Variants in TRIM39 observed in about 807,000 individuals in gnomAD.
The protein encoded by TRIM39 is E3 ubiquitin-protein ligase TRIM39.
TRIM39 carries 5 observed loss-of-function variants against 53.6 expected under a neutral mutation model. That is an observed-to-expected ratio of 0.09 (90% CI 0.05 to 0.20). TRIM39 has a LOEUF of 0.20. Ranked by LOEUF, TRIM39 falls within the 10% of genes least tolerant of loss-of-function variation. TRIM39 has a pLI of 1.00. For missense variants in TRIM39, 310 were observed against 621.0 expected, an observed-to-expected ratio of 0.50 and a Z score of 5.32; for synonymous variants, 196 against 237.6, an observed-to-expected ratio of 0.82 and a Z score of 1.61.
intron 1 of TRIM39, chr6:30,327,633 C>T (rs1785533001): frequency 6.6e-6 from 1 of 152,444 alleles, no homozygotes; most frequent in African/African-American, 2.4e-5. Context: ...TTTCTCTCAC[C>T]ACTTCTTTGC....
chr6:30,329,640 C>A, exon 3 of TRIM39: 1 of 1,613,098 alleles, frequency 6.2e-7, no homozygotes, highest in Non-Finnish European at 8.5e-7. Flanking sequence ...AGCCTCTGCC[C>A]CCAACACCAT....
rs1165859572 is a variant in TRIM39, at chr6:30,335,853, C to G, written c.658C>G (p.Gln220Glu). ...GCTTTCACGACTGGAAGAAGAGGAA[C>G]AGGACATTCTGCAGCGACTCCGAGA... is the stretch of plus-strand genomic sequence containing the variant. Residue 220 changes from glutamine (Q) to glutamate (E), a missense_variant, in exon 5 of 8, where the codon CAG (glutamine) becomes GAG (glutamate). By Grantham distance (29) the Gln-to-Glu change is conservative. This residue lies in a region of TRIM39 where 161 missense variants were observed against 210.0 expected (regional missense o/e 0.77). Coordinates refer to ENST00000396551, the Ensembl canonical transcript of TRIM39. The surrounding 1 kb of genome is among the most constrained non-coding windows in gnomAD (Gnocchi z 4.7). 6.2e-7 allele frequency: 1 copy of G among 1,612,936 alleles called. No individual in the cohort carries two copies. The highest frequency in any genetic ancestry group is 2.2e-5 in the East Asian group (1 of 44,884).
At chr6:30,328,785 G>A (rs1379789582) in intron 1 of TRIM39, 104 bp from the exon 2 acceptor site, 1 of 152,826 alleles carries the variant, frequency 6.5e-6, no homozygotes, top group Non-Finnish European at 1.5e-5. Context: ...AGAGAATCAA[G>A]CTTAGACTCC....
At chr6:30,334,935 T>G (rs929391806) in intron 4 of TRIM39, among the ~76,000 whole-genome samples, 29 of 152,252 alleles carry the variant, frequency 1.9e-4, no homozygotes, top group African/African-American at 6.0e-4. Flanking sequence ...TCTCACTATG[T>G]TTCCTAGGTT....
intron 1 of TRIM39, chr6:30,327,362 C>G (rs1423801922): frequency 1.3e-5 from 2 of 154,374 alleles, no homozygotes; most frequent in African/African-American, 2.4e-5. Context: ...TCCTCTTTCC[C>G]CTCTCCAATG....
chr6:30,340,025 G>C, intron 6 of TRIM39, 95 bp downstream of exon 6: 1 of 1,579,406 alleles, frequency 6.3e-7, no homozygotes, highest in Non-Finnish European at 8.7e-7. Context: ...GGTTGGGAAA[G>C]TCATGTAGTG....
chr6:30,332,957 AAG>A (rs1230767081), intron 4 of TRIM39, among the ~76,000 whole-genome samples: 1 of 152,242 alleles, frequency 6.6e-6, no homozygotes, highest in African/African-American at 2.4e-5. Flanking sequence ...TTAAATTTTA[AAG>A]AGTCTATCAT....
chr6:30,339,901 C>G lies in TRIM39; in HGVS notation c.781-7C>G. 6.2e-7 allele frequency: 1 copy of G among 1,614,074 alleles called. No individual in the cohort carries two copies. Among genetic ancestry groups the G allele is most frequent in the Non-Finnish European group, 8.5e-7 (1 of 1,180,012 alleles). On this transcript the variant is annotated splice_region_variant and splice_polypyrimidine_tract_variant and intron_variant, in intron 5 of 7. Coordinates refer to ENST00000396551, the Ensembl canonical transcript of TRIM39. This position sits in a 1 kb window ranked among gnomAD's most constrained non-coding sequence, Gnocchi z 4.2. ...CCAATATTGCTTTCTTTTCTCCTTC[C>G]TTCTAGGATGTCAAAAGTACCCTGG... is the stretch of plus-strand genomic sequence containing the variant.
rs189404872 is a variant in TRIM39, at chr6:30,340,982, T to C, written c.919+362T>C. On this transcript the variant is annotated intron_variant, in intron 7 of 7. Transcript: ENST00000396551. The stretch of plus-strand genomic sequence containing the variant: ...TAGCACTTTGGGAGGCCAAGGCTGG[T>C]GGATCACTTGAGGTCAGGAGTTCGA... Among the ~76,000 whole-genome samples the C allele has an allele frequency of 6.0e-3, 910 of 152,190 alleles. 1 individual carries two copies. Among genetic ancestry groups the C allele is most frequent in the Middle Eastern group, 0.031 (9 of 294 alleles).
intron 1 of TRIM39, among the ~76,000 whole-genome samples, chr6:30,327,935 C>T: frequency 6.6e-6 from 1 of 152,240 alleles, no homozygotes; most frequent in Non-Finnish European, 1.5e-5. Flanking sequence ...ACTTATCTCT[C>T]AGCACATAGA....
chr6:30,330,706 T>C lies in TRIM39; in HGVS notation c.454-75T>C, dbSNP rs1021705226. The stretch of plus-strand genomic sequence containing the variant: ...AAGCAAATAAATGGTTTAAAACAAA[T>C]GGTTTAATCTCTGAATGGTAGGTAT... On this transcript the variant is annotated intron_variant, in intron 3 of 7. Transcript: ENST00000396551. The C allele has an allele frequency of 1.8e-5, 27 of 1,484,922 alleles. No homozygotes were observed. In the African/African-American group the frequency reaches 3.6e-4, roughly 20 times the overall value. The allele number at this position is 1,484,922 out of a possible 1,614,324, so 92.0% of individuals were successfully genotyped here.
At position 30,335,631 on chromosome 6, in the gene TRIM39, A is replaced by G. The variant is rs1786759857; in HGVS notation, c.550-114A>G. 1 of 1,378,328 alleles carries G rather than the reference A, an allele frequency of 7.3e-7. No homozygotes were observed. The allele number at this position is 1,378,328 out of a possible 1,614,324, so 85.4% of individuals were successfully genotyped here. A position where few individuals can be genotyped will look rare whatever the true frequency, so the allele number is the denominator to read the frequency against. ...TGTCACCACACCCAGCCTTTGTTAA[A>G]CCATTTTCAATGAAACTGGAAGTCT... On this transcript the variant is annotated intron_variant, in intron 4 of 7. Coordinates refer to ENST00000396551, the Ensembl canonical transcript of TRIM39. The surrounding 1 kb of genome is among the most constrained non-coding windows in gnomAD (Gnocchi z 4.7).
At position 30,329,000 on chromosome 6, in the gene TRIM39, A is replaced by G. The variant is rs1785777358; in HGVS notation, c.-49A>G. On this transcript the variant is annotated 5_prime_UTR_variant, in exon 2 of 8. It removes the in-frame stop codon of an upstream open reading frame in the 5' UTR. Transcript: ENST00000396551. ...TGGATCAGGAGAAGTATGCTGAGCT[A>G]GAGTTGAAGGAAGCTTCTCTTTCTA... The G allele has an allele frequency of 3.0e-6, 1 of 337,240 alleles. No homozygotes were observed. The allele number at this position is 337,240 out of a possible 1,614,324, so 20.9% of individuals were successfully genotyped here.
Position 30,341,620 on chromosome 6 carries a change from C to T in TRIM39, c.920-92C>T. On this transcript the variant is annotated intron_variant, in intron 7 of 7. Transcript: ENST00000396551. ...GTTGTTCTGGGGACCTTTAAGGGACCAGGCTCTGTAAAGGCAGGCTGGAAG... is the reference window on the plus strand; with the variant it reads ...GTTGTTCTGGGGACCTTTAAGGGACTAGGCTCTGTAAAGGCAGGCTGGAAG... The T allele has an allele frequency of 2.7e-6, 4 of 1,494,070 alleles. No individual in the cohort carries two copies. The Admixed American group carries it at 8.9e-5, about 33-fold the overall frequency. 92.6% of individuals were successfully genotyped at this position (1,494,070 alleles called of 1,614,324 possible).
rs1787136185 is a variant in TRIM39, at chr6:30,338,589, C to G, written c.781-1319C>G. ...AATAGTAACATCAAAGATCACTGAT[C>G]ACAGATCATACTAGATATAATAATG... On this transcript the variant is annotated intron_variant, in intron 5 of 7. Coordinates refer to ENST00000396551, the Ensembl canonical transcript of TRIM39. The surrounding 1 kb of genome is among the most constrained non-coding windows in gnomAD (Gnocchi z 4.0). Among the ~76,000 whole-genome samples, 1 of 149,314 alleles carries G rather than the reference C, an allele frequency of 6.7e-6. No homozygotes were observed. The highest frequency in any genetic ancestry group is 1.5e-5 in the Non-Finnish European group (1 of 67,596).
rs1210588150 is a variant in TRIM39, at chr6:30,338,925, T to C, written c.781-983T>C. The stretch of plus-strand genomic sequence containing the variant: ...GCAAAACTAGGGAACATATTTTTTA[T>C]CTTAGAGATTAGATTACCAGCATTT... On this transcript the variant is annotated intron_variant, in intron 5 of 7. Coordinates refer to ENST00000396551, the Ensembl canonical transcript of TRIM39. This position sits in a 1 kb window ranked among gnomAD's most constrained non-coding sequence, Gnocchi z 4.0. Among the ~76,000 whole-genome samples the C allele has an allele frequency of 6.6e-6, 1 of 152,202 alleles. No homozygotes were observed. The highest frequency in any genetic ancestry group is 1.5e-5 in the Non-Finnish European group (1 of 68,040).
intron 5 of TRIM39, among the ~76,000 whole-genome samples, chr6:30,336,892 A>G (rs1786928842): frequency 6.6e-6 from 1 of 152,222 alleles, no homozygotes; most frequent in Non-Finnish European, 1.5e-5. Flanking sequence ...ATCACTATTT[A>G]TAGCAGCTTT....
chr6:30,336,212 A>G (rs1358977630), intron 5 of TRIM39: 16 of 731,744 alleles, frequency 2.2e-5, no homozygotes, highest in Admixed American at 1.2e-4. Context: ...GTTCCAAAGA[A>G]AAGATTCATT....
At chr6:30,329,266 C>A (rs1448128407) in intron 2 of TRIM39, 45 bp from the exon 3 acceptor site, 1 of 1,533,634 alleles carries the variant, frequency 6.5e-7, no homozygotes, top group Non-Finnish European at 8.7e-7. Flanking sequence ...GAAAAAACCT[C>A]CAATTAATAT....
Sources: allele counts gnomAD v4.1 joint callset (sites outside exome capture counted in the v4.1 genomes callset), GRCh38; gene constraint gnomAD v4.1.1; regional missense constraint gnomAD v4.1.1; non-coding constraint Gnocchi (gnomAD v3.1); transcripts MANE v1.5; gene names NCBI Gene and HGNC (gene_info 2026-07-23, HGNC 2026-07-21).